CFAP251: variants seen among roughly 807,000 people sequenced by gnomAD.
CFAP251 encodes the protein cilia- and flagella-associated protein 251.
In CFAP251, 93 loss-of-function variants were observed where a neutral mutation model predicts 126.7. That is an observed-to-expected ratio of 0.73 (90% CI 0.62 to 0.87). CFAP251 has a LOEUF of 0.87. Ranked by LOEUF, CFAP251 falls within the 40% of genes least tolerant of loss-of-function variation. The pLI is 0.00. For synonymous variants in CFAP251, 503 were observed against 506.9 expected, an observed-to-expected ratio of 0.99 and a Z score of 0.10; for missense variants, 1,287 against 1,389.2, an observed-to-expected ratio of 0.93 and a Z score of 1.17.
intron 4 of CFAP251, chr12:121,932,709 C>G (rs1439960251): frequency 6.6e-6 from 1 of 152,186 alleles, no homozygotes; most frequent in Non-Finnish European, 1.5e-5. Flanking sequence ...AGGTATTTAC[C>G]AAGGACCCAG....
Position 121,975,631 on chromosome 12 carries a change from G to C in CFAP251, c.2952G>C (p.Leu984=), listed in dbSNP as rs201510128. ...GAAAGGTGTCAGAACACATTTGCCT[G>C]TCAGAGCTTCCTTTTGTCATGAGAG... ...ETRKVSEHIC[L]SELPFVMRAI... The change falls in exon 19 of 22, where the codon CTG becomes CTC. Residue 984 remains leucine (L), a synonymous_variant. Coordinates refer to ENST00000288912, the MANE Select transcript of CFAP251 (RefSeq NM_144668.6). The C allele has an allele frequency of 5.6e-6, 9 of 1,599,772 alleles. No individual in the cohort carries two copies. The highest frequency in any genetic ancestry group is 1.7e-6 in the Non-Finnish European group (2 of 1,176,172).
intron 21 of CFAP251, among the ~76,000 whole-genome samples, chr12:122,003,442 G>A (rs372843587): frequency 1.6e-4 from 25 of 152,016 alleles, no homozygotes; most frequent in African/African-American, 3.6e-4. Context: ...GCGTGGTGGC[G>A]TGTGCCTGTA....
Position 121,999,779 on chromosome 12 carries a change from A to G in CFAP251, c.3070A>G (p.Lys1024Glu). 3 of 1,613,978 alleles carry G rather than the reference A, an allele frequency of 1.9e-6. No individual in the cohort carries two copies. The highest frequency in any genetic ancestry group is 2.5e-6 in the Non-Finnish European group (3 of 1,179,864). Residue 1024 changes from lysine to glutamate, a missense_variant, in exon 20 of 22, where the codon AAG (lysine) becomes GAG (glutamate). Transcript: ENST00000288912. The stretch of plus-strand genomic sequence containing the variant: ...TGTGGACACTGGAAAGCTAATCGAC[A>G]AGATCAACTTACCAGATTTCCTAAA... ...EYVDTGKLID[K>E]INLPDFLKVY...
intron 15 of CFAP251, among the ~76,000 whole-genome samples, chr12:121,966,191 C>CCCTCCCCTCCCCTCCCCTA (rs1882122857): frequency 1.6e-4 from 1 of 6,264 alleles, no homozygotes; most frequent in Non-Finnish European, 6.2e-4. Flanking sequence ...CCCCTCCCCT[C>CCCTCCCCTCCCCTCCCCTA]TCCTTCCCTC....
Position 121,959,483 on chromosome 12 carries a change from A to G in CFAP251, c.2133+389A>G, listed in dbSNP as rs1367686083. The G allele has an allele frequency of 3.7e-5, 6 of 163,916 alleles. No homozygotes were observed. The East Asian group carries it at 8.9e-4, about 24-fold the overall frequency. The allele number at this position is 163,916 out of a possible 1,614,324, so 10.2% of individuals were successfully genotyped here. ...CCCTTCCGGCGCTCTCCATCCCCACACTGGTGCGGCCACTCCTCCGGTTTG... is the reference window on the plus strand; with the variant it reads ...CCCTTCCGGCGCTCTCCATCCCCACGCTGGTGCGGCCACTCCTCCGGTTTG... On this transcript the variant is annotated intron_variant, in intron 13 of 21. Coordinates refer to ENST00000288912, the MANE Select transcript of CFAP251 (RefSeq NM_144668.6).
At chr12:121,967,267 C>T (rs1882174891) in intron 16 of CFAP251, among the ~76,000 whole-genome samples, 198 bp downstream of exon 16, 1 of 152,244 alleles carries the variant, frequency 6.6e-6, no homozygotes, top group South Asian at 2.1e-4. Context: ...AGCAGAGTTA[C>T]TGCATTTTCT....
chr12:121,975,764 C>A, intron 19 of CFAP251, 79 bp downstream of exon 19: 1 of 1,461,286 alleles, frequency 6.8e-7, no homozygotes, highest in South Asian at 1.5e-5. Context: ...CATTATAGGT[C>A]AAAGCAAAAA....
At chr12:121,993,025 G>C (rs1430617022) in intron 19 of CFAP251, among the ~76,000 whole-genome samples, 5 of 135,234 alleles carry the variant, frequency 3.7e-5, no homozygotes, top group Non-Finnish European at 6.2e-5. Flanking sequence ...CCTCTCATGC[G>C]GAGCCGAAGC....
chr12:121,931,844 G>T lies in CFAP251; in HGVS notation c.846G>T (p.Ala282=). Residue 282 remains alanine (A), a synonymous_variant, in exon 4 of 22, where the codon GCG becomes GCT. Coordinates refer to ENST00000288912, the MANE Select transcript of CFAP251 (RefSeq NM_144668.6). ...TTCTGTATGTTTGTGCTCACACTGC[G>T]ATCATCTACAACGTGTTCAGGAACA... ...RVLLYVCAHT[A]IIYNVFRNNQ... The T allele has an allele frequency of 1.2e-6, 2 of 1,603,892 alleles. No individual in the cohort carries two copies. The highest frequency in any genetic ancestry group is 1.1e-5 in the South Asian group (1 of 88,878).
Position 121,958,518 on chromosome 12 carries a change from C to G in CFAP251, c.1977C>G (p.Pro659=), listed in dbSNP as rs73415652. The change falls in exon 12 of 22, where the codon CCC becomes CCG. Residue 659 remains proline (P), a synonymous_variant. Coordinates refer to ENST00000288912, the MANE Select transcript of CFAP251 (RefSeq NM_144668.6). ...GLGVQSLTYN[P]EGALLGAGFT... is the part of the protein sequence containing the mutation. ...GAGTCCAGAGTCTGACCTACAACCC[C>G]GAAGGTATTTTCATCTTATCAGCCT... 6.2e-7 allele frequency: 1 copy of G among 1,614,106 alleles called. No individual in the cohort carries two copies. The highest frequency in any genetic ancestry group is 8.5e-7 in the Non-Finnish European group (1 of 1,179,988).
intron 17 of CFAP251, among the ~76,000 whole-genome samples, chr12:121,970,717 A>T (rs1445350141): frequency 6.6e-6 from 1 of 152,242 alleles, no homozygotes; most frequent in Non-Finnish European, 1.5e-5. Flanking sequence ...GGTCGTTGGG[A>T]TCGCATGTAG....
intron 15 of CFAP251, among the ~76,000 whole-genome samples, chr12:121,965,532 T>C (rs60620185): frequency 0.062 from 9,390 of 152,104 alleles, 320 homozygotes; most frequent in African/African-American, 0.097. Context: ...TAATAGGGGA[T>C]GAGTTAAACA....
chr12:121,959,054 A>G lies in CFAP251; in HGVS notation c.2093A>G (p.His698Arg), dbSNP rs1299317075. The G allele has an allele frequency of 1.2e-6, 2 of 1,609,840 alleles. No homozygotes were observed. The highest frequency in any genetic ancestry group is 2.2e-5 in the South Asian group (2 of 90,048). Reference protein sequence around the residue: ...PFKYSRTSVTHISFSHDSQYM... With the variant: ...PFKYSRTSVTRISFSHDSQYM... The stretch of plus-strand genomic sequence containing the variant: ...AAATATTCCAGAACCAGTGTGACTC[A>G]TATAAGCTTTTCCCATGACTCCCAG... Residue 698 changes from histidine to arginine, a missense_variant, in exon 13 of 22, where the codon CAT (histidine) becomes CGT (arginine). Coordinates refer to ENST00000288912, the MANE Select transcript of CFAP251 (RefSeq NM_144668.6).
intron 19 of CFAP251, among the ~76,000 whole-genome samples, chr12:121,982,097 A>G (rs1006854960): frequency 6.6e-6 from 1 of 152,150 alleles, no homozygotes; most frequent in Non-Finnish European, 1.5e-5. Context: ...CTTTGTGTAT[A>G]ATACCCTTTC....
intron 10 of CFAP251, among the ~76,000 whole-genome samples, chr12:121,956,175 G>A (rs1881720702): frequency 1.3e-5 from 2 of 152,222 alleles, no homozygotes; most frequent in African/African-American, 4.8e-5. Flanking sequence ...ACTGGACAGG[G>A]TTTTATGATC....
Position 121,975,357 on chromosome 12 carries a change from C to A in CFAP251, c.2862+23C>A, listed in dbSNP as rs779226126. The A allele has an allele frequency of 1.0e-5, 16 of 1,604,828 alleles. No individual in the cohort carries two copies. In the Admixed American group the frequency reaches 2.0e-4, roughly 20 times the overall value. On this transcript the variant is annotated intron_variant, in intron 18 of 21. Transcript: ENST00000288912. ...AGGGTAATTGTCCCTAGAGTAAACACCTCCTGGTAACATCTAGTTAAGTTT... is the reference window on the plus strand; with the variant it reads ...AGGGTAATTGTCCCTAGAGTAAACAACTCCTGGTAACATCTAGTTAAGTTT...
intron 14 of CFAP251, 83 bp downstream of exon 14, chr12:121,960,841 G>T: frequency 6.8e-7 from 1 of 1,470,500 alleles, no homozygotes; most frequent in Non-Finnish European, 9.4e-7. Flanking sequence ...CATAGAGCCA[G>T]GCCCACAGTA....
intron 19 of CFAP251, among the ~76,000 whole-genome samples, chr12:121,994,091 G>C (rs71444548): frequency 2.3e-4 from 18 of 78,368 alleles, no homozygotes; most frequent in Non-Finnish European, 2.9e-4. Context: ...TCTGCCCGGC[G>C]GCCCCTACTG....
In CFAP251 at chr12:121,922,323, T is replaced by G. The variant is rs565984213; in HGVS notation, c.378+640T>G. Among the ~76,000 whole-genome samples, 11 of 152,154 alleles carry G rather than the reference T, an allele frequency of 7.2e-5. No homozygotes were observed. In the South Asian group the frequency reaches 2.3e-3, roughly 32 times the overall value. ...AGGCTGTCACTTATGTTGGCCAGGC[T>G]GGTCTCAAACTCTTGACCTCAGGTG... On this transcript the variant is annotated intron_variant, in intron 2 of 21. Transcript: ENST00000288912.
Sources: gnomAD v4.1 joint callset for allele counts (sites outside exome capture counted in the v4.1 genomes callset) on GRCh38, gnomAD v4.1.1 for gene constraint, MANE v1.5 for transcripts, NCBI Gene and HGNC (gene_info 2026-07-23, HGNC 2026-07-21) for gene names.